The following UNC119 variants were observed in gnomAD, a reference collection of about 807,000 sequenced individuals.
UNC119 encodes unc-119 lipid binding chaperone, also known as protein unc-119 homolog A.
Under a neutral mutation model 22.6 loss-of-function variants are expected in UNC119, and 15 were observed. The ratio of observed to expected loss-of-function variants is 0.66; its 90% CI spans 0.44 to 1.02. The LOEUF is 1.02. Among genes scored for constraint, UNC119 ranks in the 50% least tolerant of loss-of-function variants. The pLI is 0.00. For synonymous variants in UNC119, 138 were observed against 139.4 expected (o/e 0.99, Z 0.07); for missense variants, 322 against 336.0 (o/e 0.96, Z 0.33).
Position 28,552,568 on chromosome 17 carries a change from G to A in UNC119, c.-11C>T, listed in dbSNP as rs1486053248. 6.6e-6 allele frequency: 10 copies of A among 1,505,254 alleles called. No individual in the cohort carries two copies. The highest frequency in any genetic ancestry group is 2.5e-5 in the South Asian group (2 of 80,874). The allele number at this position is 1,505,254 out of a possible 1,614,324, so 93.2% of individuals were successfully genotyped here. On this transcript the variant is annotated 5_prime_UTR_variant, in exon 1 of 5. Transcript: ENST00000335765. Reference sequence around the variant, plus strand: ...CTTCTTCACCTTCATGGCCTTGCGGGGCCGAGGCTCGCCTGCTGCTGCCGC... The same window carrying A: ...CTTCTTCACCTTCATGGCCTTGCGGAGCCGAGGCTCGCCTGCTGCTGCCGC...
chr17:28,548,865 T>C (rs2070241542), intron 1 of UNC119, 160 bp from the exon 2 acceptor site: 2 of 608,302 alleles, frequency 3.3e-6, no homozygotes, highest in Non-Finnish European at 5.9e-6. Context: ...ACACCCCCAG[T>C]GTGGAAGAGA....
intron 1 of UNC119, 141 bp from the exon 2 acceptor site, chr17:28,548,846 C>G: frequency 1.5e-6 from 1 of 650,876 alleles, no homozygotes; most frequent in Admixed American, 2.6e-5. Flanking sequence ...CAGTCCCTGC[C>G]CTTGGGGTAC....
chr17:28,547,470 G>A, intron 4 of UNC119, 61 bp from the exon 5 acceptor site: 1 of 1,605,078 alleles, frequency 6.2e-7, no homozygotes, highest in Non-Finnish European at 8.5e-7. Context: ...GCCACTGCAG[G>A]GGCTTCAGGA....
intron 1 of UNC119, chr17:28,549,353 G>A (rs1194996559): frequency 6.6e-6 from 1 of 152,430 alleles, no homozygotes; most frequent in African/African-American, 2.4e-5. Flanking sequence ...GCTGGGGCAG[G>A]TGAACAACCC....
intron 1 of UNC119, 135 bp downstream of exon 1, chr17:28,552,203 G>A: frequency 1.2e-6 from 1 of 802,216 alleles, no homozygotes; most frequent in Non-Finnish European, 2.0e-6. Flanking sequence ...GGAGAGCAGG[G>A]GACACAGGAG....
intron 1 of UNC119, chr17:28,551,100 A>G (rs980114331): frequency 6.6e-6 from 1 of 152,312 alleles, no homozygotes; most frequent in Non-Finnish European, 1.5e-5. Flanking sequence ...CCAGGGACCC[A>G]GGAGCACAGG....
chr17:28,552,436 G>C lies in UNC119; in HGVS notation c.122C>G (p.Ser41Trp). The part of the protein sequence containing the change: ...PPAESESGSE[S>W]EPDAGPGPRP... ...GGGCCCTGGGCCTGCGTCCGGCTCC[G>C]ACTCGGACCCAGATTCGGATTCCGC... The change falls in exon 1 of 5, where the codon TCG becomes TGG. Residue 41 changes from serine to tryptophan, a missense_variant. Transcript: ENST00000335765. 6.4e-7 allele frequency: 1 copy of C among 1,569,834 alleles called. No individual in the cohort carries two copies. The highest frequency in any genetic ancestry group is 1.4e-5 in the African/African-American group (1 of 73,254).
Position 28,548,602 on chromosome 17 carries a change from G to A in UNC119, c.324C>T (p.Pro108=), listed in dbSNP as rs777752159. The A allele has an allele frequency of 1.2e-6, 2 of 1,614,100 alleles. No homozygotes were observed. Among genetic ancestry groups the A allele is most frequent in the South Asian group, 1.1e-5 (1 of 91,088 alleles). ...ACCCAGCCCACTCACCTGAGACTGGGGGCTTCTTGATTTCAAAGAGGACAG... is the reference window on the plus strand; with the variant it reads ...ACCCAGCCCACTCACCTGAGACTGGAGGCTTCTTGATTTCAAAGAGGACAG... ...SGTVLFEIKK[P]PVSERLPINR... The change falls in exon 2 of 5, where the codon CCC becomes CCT. Residue 108 remains proline, a synonymous_variant. Transcript: ENST00000335765.
chr17:28,547,230 G>T lies in UNC119; in HGVS notation c.*67C>A, dbSNP rs2070215295. The T allele has an allele frequency of 3.2e-6, 5 of 1,585,114 alleles. No individual in the cohort carries two copies. In the South Asian group the frequency reaches 3.4e-5, roughly 11 times the overall value. ...AGCAGAGGACTTGGGGTTGAGGGGT[G>T]AGCGTTGGGGAGGTCACAGCTCCCA... is the stretch of plus-strand genomic sequence containing the variant. On this transcript the variant is annotated 3_prime_UTR_variant, in exon 5 of 5. Transcript: ENST00000335765.
At chr17:28,548,780 A>G (rs1396999504) in intron 1 of UNC119, 75 bp from the exon 2 acceptor site, 3 of 1,164,690 alleles carry the variant, frequency 2.6e-6, no homozygotes, top group Non-Finnish European at 3.8e-6. Context: ...GTGGGACCCC[A>G]GAGTAGCTAC....
rs1005163473 is a variant in UNC119, at chr17:28,546,919, C to T, written c.*378G>A. 5.7e-5 allele frequency: 19 copies of T among 330,442 alleles called. No individual in the cohort carries two copies. Among genetic ancestry groups the T allele is most frequent in the Non-Finnish European group, 1.0e-4 (17 of 166,144 alleles). The allele number at this position is 330,442 out of a possible 1,614,324, so 20.5% of individuals were successfully genotyped here. On this transcript the variant is annotated 3_prime_UTR_variant, in exon 5 of 5. Coordinates refer to ENST00000335765, the MANE Select transcript of UNC119 (RefSeq NM_005148.4). ...TTGTAAATTTACAACTCTAAATGGC[C>T]TGAAGGTAGTGGGCAGGGGACAGGG...
At chr17:28,550,567 C>G (rs1230530120) in intron 1 of UNC119, 4 of 152,290 alleles carry the variant, frequency 2.6e-5, no homozygotes, top group Non-Finnish European at 5.9e-5. Context: ...CAGAACACAA[C>G]TGCTCTATTC....
chr17:28,548,915 G>A (rs1219227609), intron 1 of UNC119: 24 of 537,816 alleles, frequency 4.5e-5, no homozygotes, highest in Non-Finnish European at 7.7e-5. Flanking sequence ...GATAAGGAGT[G>A]CCATCCTACT....
At chr17:28,548,483 G>A in intron 2 of UNC119, 109 bp downstream of exon 2, 1 of 901,476 alleles carries the variant, frequency 1.1e-6, no homozygotes, top group South Asian at 1.4e-5. Context: ...AGAATGCTGG[G>A]GTCCAAGCCC....
intron 1 of UNC119, chr17:28,549,928 T>C (rs1278936302): frequency 1.3e-5 from 2 of 151,450 alleles, no homozygotes; most frequent in African/African-American, 4.9e-5. Flanking sequence ...GGCCTGGAAA[T>C]CACCCTCCAG....
At position 28,552,571 on chromosome 17, in the gene UNC119, C is replaced by G. The variant is rs2070288873; in HGVS notation, c.-14G>C. The G allele has an allele frequency of 6.0e-6, 9 of 1,496,750 alleles. No individual in the cohort carries two copies. The highest frequency in any genetic ancestry group is 8.0e-6 in the Non-Finnish European group (9 of 1,131,558). 92.7% of individuals were successfully genotyped at this position (1,496,750 alleles called of 1,614,324 possible). ...CTTCACCTTCATGGCCTTGCGGGGC[C>G]GAGGCTCGCCTGCTGCTGCCGCCGC... On this transcript the variant is annotated 5_prime_UTR_variant, in exon 1 of 5. Coordinates refer to ENST00000335765, the MANE Select transcript of UNC119 (RefSeq NM_005148.4).
At chr17:28,549,077 C>T (rs2070243970) in intron 1 of UNC119, 1 of 204,072 alleles carries the variant, frequency 4.9e-6, no homozygotes. Context: ...AATTAGGTAT[C>T]CAGCCTGGTG....
chr17:28,548,040 C>G lies in UNC119; in HGVS notation c.396G>C (p.Gln132His), dbSNP rs2070229196. ...DPNAGRFVRY[Q>H]FTPAFLRLRQ... ...TCAGGCGGAGGAAGGCAGGCGTGAA[C>G]TGGTAGCGGACAAAGCGCCCAGCAT... Residue 132 changes from glutamine (Q) to histidine (H), a missense_variant, in exon 3 of 5, where the codon CAG (glutamine) becomes CAC (histidine). Coordinates refer to ENST00000335765, the MANE Select transcript of UNC119 (RefSeq NM_005148.4). 4.3e-6 allele frequency: 7 copies of G among 1,613,768 alleles called. No homozygotes were observed. The highest frequency in any genetic ancestry group is 1.3e-5 in the African/African-American group (1 of 74,930).
At chr17:28,547,915 C>T (rs1482450886) in intron 3 of UNC119, 66 bp from the exon 4 acceptor site, 17 of 1,612,654 alleles carry the variant, frequency 1.1e-5, no homozygotes, top group Non-Finnish European at 1.4e-5. Context: ...AGGCTCAGGA[C>T]AGGCCACCCC....
Sources: allele counts gnomAD v4.1 joint callset, GRCh38; gene constraint gnomAD v4.1.1; transcripts MANE v1.5; gene names NCBI Gene and HGNC (gene_info 2026-07-23, HGNC 2026-07-21).